The following MTFR1 variants were observed in gnomAD, a reference collection of about 807,000 sequenced individuals.
MTFR1 encodes the protein chondrocyte protein with a poly-proline region.
A neutral mutation model predicts 38.8 loss-of-function variants in MTFR1; 28 were observed. The observed-to-expected ratio is 0.72, with a 90% confidence interval of 0.53 to 0.99. The LOEUF is 0.99. MTFR1 is among the 50% of genes least tolerant of loss of function. MTFR1 has a pLI of 0.00. For synonymous variants in MTFR1, 145 were observed against 137.0 expected, an observed-to-expected ratio of 1.06 and a Z score of -0.41; for missense variants, 358 against 395.5, an observed-to-expected ratio of 0.91 and a Z score of 0.81.
intron 3 of MTFR1, among the ~76,000 whole-genome samples, chr8:65,730,199 A>G (rs1382781409): frequency 8.9e-5 from 1 of 11,246 alleles, no homozygotes; most frequent in African/African-American, 3.3e-4. Context: ...TTTTTTTTTG[A>G]GATGGAGTTT....
At chr8:65,741,970 T>G (rs987912900) in intron 3 of MTFR1, among the ~76,000 whole-genome samples, 3 of 152,224 alleles carry the variant, frequency 2.0e-5, no homozygotes, top group Non-Finnish European at 2.9e-5. Context: ...AATCAGTCTC[T>G]TAAAGTGTAC....
chr8:65,724,690 T>C lies in MTFR1; in HGVS notation c.*48+5209T>C, dbSNP rs946220578. 7.5e-6 allele frequency: 9 copies of C among 1,194,916 alleles called. No homozygotes were observed. The Admixed American group carries it at 1.8e-4, about 25-fold the overall frequency. 74.0% of individuals were successfully genotyped at this position (1,194,916 alleles called of 1,614,324 possible). A position where few individuals can be genotyped will look rare whatever the true frequency, so the allele number is the denominator to read the frequency against. On this transcript the variant is annotated intron_variant, in intron 3 of 3. Coordinates refer to the MTFR1 transcript ENST00000521247. The stretch of plus-strand genomic sequence containing the variant: ...GCTTGCCCTCAAGATTTAACCATTC[T>C]GAAAAACTACACTAGAATATTCATT...
At position 65,757,615 on chromosome 8, in the gene MTFR1, T is replaced by C. The variant is rs1808297576; in HGVS notation, c.*49-13332T>C. 2.0e-5 allele frequency among the ~76,000 whole-genome samples: 3 copies of C among 152,114 alleles called. No individual in the cohort carries two copies. The South Asian group carries it at 6.2e-4, about 32-fold the overall frequency. On this transcript the variant is annotated intron_variant, in intron 3 of 3. Transcript: ENST00000521247. Reference sequence around the variant, plus strand: ...CCAAGACTTTGTTTTTGTTTTGTTTTGTTTTGTTTTGTTTGTTTTTTAAGA... The same window carrying C: ...CCAAGACTTTGTTTTTGTTTTGTTTCGTTTTGTTTTGTTTGTTTTTTAAGA...
intron 1 of MTFR1, among the ~76,000 whole-genome samples, chr8:65,662,690 G>A (rs1315317514): frequency 7.3e-6 from 1 of 136,796 alleles, no homozygotes; most frequent in African/African-American, 2.7e-5. Flanking sequence ...GAGAAGTGAG[G>A]AGCCCCTCCG....
intron 4 of MTFR1, 78 bp from the exon 5 acceptor site, chr8:65,704,616 G>A: frequency 8.4e-7 from 1 of 1,184,146 alleles, no homozygotes; most frequent in Non-Finnish European, 1.2e-6. Flanking sequence ...TGTTAATGCG[G>A]ATACACTGTC....
downstream of MTFR1, among the ~76,000 whole-genome samples, chr8:65,771,670 T>A (rs918227944): frequency 6.6e-6 from 1 of 150,606 alleles, no homozygotes; most frequent in Non-Finnish European, 1.5e-5. Context: ...GAGGTAAGAG[T>A]TCGAGACCAG....
intron 3 of MTFR1, among the ~76,000 whole-genome samples, chr8:65,688,665 C>G (rs551497435): frequency 1.2e-3 from 186 of 150,002 alleles, no homozygotes; most frequent in Non-Finnish European, 2.3e-3. Flanking sequence ...AGGATGGTCT[C>G]GATCTCCTGA....
chr8:65,690,597 C>A (rs965596069), intron 3 of MTFR1, among the ~76,000 whole-genome samples: 2 of 152,130 alleles, frequency 1.3e-5, no homozygotes, highest in African/African-American at 4.8e-5. Context: ...CTCCTCCCCA[C>A]ACTTTGTTTC....
At position 65,647,301 on chromosome 8, in the gene MTFR1, T is replaced by C. The variant is rs182539667; in HGVS notation, c.-81+2517T>C. On this transcript the variant is annotated intron_variant, in intron 1 of 7. Transcript: ENST00000262146. ...GAAAAGAGAATGGTATATAGTAGGA[T>C]TTTTTTTGTTTTTGTTTCTGTTTTT... Among the ~76,000 whole-genome samples the C allele has an allele frequency of 9.1e-4, 139 of 152,112 alleles. 1 individual carries two copies. Among genetic ancestry groups the C allele is most frequent in the African/African-American group, 3.2e-3 (132 of 41,506 alleles).
chr8:65,690,587 C>G (rs961019222), intron 3 of MTFR1, among the ~76,000 whole-genome samples: 3 of 151,984 alleles, frequency 2.0e-5, no homozygotes, highest in Non-Finnish European at 4.4e-5. Context: ...TTTTTCTTCC[C>G]TCCTCCCCAC....
chr8:65,716,313 A>G (rs932561559), intron 2 of MTFR1, among the ~76,000 whole-genome samples: 1 of 152,196 alleles, frequency 6.6e-6, no homozygotes, highest in African/African-American at 2.4e-5. Context: ...TCAAACTATA[A>G]GAGAAACAAT....
Position 65,649,110 on chromosome 8 carries a change from A to G in MTFR1, c.-81+4326A>G, listed in dbSNP as rs539093714. 1.1e-4 allele frequency among the ~76,000 whole-genome samples: 16 copies of G among 152,362 alleles called. No homozygotes were observed. The South Asian group carries it at 2.7e-3, about 26-fold the overall frequency. ...TGTTTCCATTATATTAGGTATTACA[A>G]GTAATCTACAGATGACTTCAAGTAT... is the stretch of plus-strand genomic sequence containing the variant. On this transcript the variant is annotated intron_variant, in intron 1 of 7. Transcript: ENST00000262146.
intron 1 of MTFR1, among the ~76,000 whole-genome samples, chr8:65,660,920 T>C (rs1809395861): frequency 6.6e-6 from 1 of 152,118 alleles, no homozygotes; most frequent in Non-Finnish European, 1.5e-5. Flanking sequence ...ACCATGAGAA[T>C]ACATGGAGGA....
chr8:65,691,135 T>C (rs1805263757), intron 3 of MTFR1, among the ~76,000 whole-genome samples: 1 of 152,220 alleles, frequency 6.6e-6, no homozygotes, highest in African/African-American at 2.4e-5. Context: ...CCTTTGATCT[T>C]ATACCTTGAG....
At chr8:65,767,920 C>T (rs145578510) in intron 3 of MTFR1, among the ~76,000 whole-genome samples, 14 of 152,268 alleles carry the variant, frequency 9.2e-5, no homozygotes, top group East Asian at 5.8e-4. Context: ...TGAAGCTGGT[C>T]GGTCAGAAGT....
chr8:65,691,506 G>A (rs555827637), intron 3 of MTFR1, among the ~76,000 whole-genome samples: 62 of 152,228 alleles, frequency 4.1e-4, no homozygotes, highest in African/African-American at 1.3e-3. Context: ...GCCCAGGCTC[G>A]TCTCAAGCTC....
At chr8:65,647,898 T>C (rs1219516417) in intron 1 of MTFR1, among the ~76,000 whole-genome samples, 2 of 152,238 alleles carry the variant, frequency 1.3e-5, no homozygotes, top group Admixed American at 6.5e-5. Context: ...TTTATTTGAT[T>C]ACTGTTGGAC....
At chr8:65,723,583 G>A in intron 3 of MTFR1, 1 of 1,583,886 alleles carries the variant, frequency 6.3e-7, no homozygotes, top group Non-Finnish European at 8.6e-7. Flanking sequence ...CGATCGCAAA[G>A]TGGACTCACA....
intron 3 of MTFR1, among the ~76,000 whole-genome samples, chr8:65,770,024 A>G (rs1028198473): frequency 6.6e-6 from 1 of 152,192 alleles, no homozygotes; most frequent in African/African-American, 2.4e-5. Flanking sequence ...GATAATTTCA[A>G]AACACATACA....
Sources: gnomAD v4.1 joint callset for allele counts (sites outside exome capture counted in the v4.1 genomes callset) on GRCh38, gnomAD v4.1.1 for gene constraint, MANE v1.5 for transcripts, NCBI Gene and HGNC (gene_info 2026-07-23, HGNC 2026-07-21) for gene names.